Variants in SPON1 observed in about 807,000 individuals in gnomAD.
SPON1 encodes the protein spondin-1.
A neutral mutation model predicts 111.7 loss-of-function variants in SPON1; 52 were observed. The ratio of observed to expected loss-of-function variants is 0.47; its 90% CI spans 0.37 to 0.59. The LOEUF (loss-of-function observed/expected upper bound fraction) is 0.59. Among genes scored for constraint, SPON1 ranks in the 20% least tolerant of loss-of-function variants. The pLI, the probability that SPON1 is intolerant of heterozygous loss-of-function variation, is 0.00. For synonymous variants in SPON1, 410 were observed against 395.8 expected (o/e 1.04, Z -0.43); for missense variants, 957 against 1,068.5 (o/e 0.90, Z 1.46).
At chr11:14,038,637 T>A (rs1554916943) in intron 2 of SPON1, among the ~76,000 whole-genome samples, 1 of 152,088 alleles carries the variant, frequency 6.6e-6, no homozygotes, top group African/African-American at 2.4e-5. Context: ...TGTTACAAAT[T>A]AAAACAATAA....
intron 5 of SPON1, among the ~76,000 whole-genome samples, chr11:14,091,227 C>T (rs1307786694): frequency 6.6e-6 from 1 of 152,240 alleles, no homozygotes; most frequent in African/African-American, 2.4e-5. Flanking sequence ...TAAAGACTCT[C>T]CACGTCCCCA....
Position 13,999,697 on chromosome 11 carries a change from G to A in SPON1, c.345+16744G>A, listed in dbSNP as rs146334058. Reference sequence around the variant, plus strand: ...GCTGGGATTACAGGTGTGAGCCACCGCGCCTGGCCTGCTATATCACTTTCT... The same window carrying A: ...GCTGGGATTACAGGTGTGAGCCACCACGCCTGGCCTGCTATATCACTTTCT... On this transcript the variant is annotated intron_variant, in intron 2 of 15. Coordinates refer to ENST00000576479, the MANE Select transcript of SPON1 (RefSeq NM_006108.4). Among the ~76,000 whole-genome samples the A allele has an allele frequency of 5.3e-3, 807 of 152,224 alleles. 9 individuals are homozygous for A. Among genetic ancestry groups the A allele is most frequent in the African/African-American group, 0.018 (743 of 41,538 alleles).
chr11:14,134,038 C>CT (rs1450879877), intron 5 of SPON1, among the ~76,000 whole-genome samples: 10 of 125,942 alleles, frequency 7.9e-5, no homozygotes, highest in Non-Finnish European at 1.7e-4. Context: ...CACTTTCTTT[C>CT]TTTCTTTTTT....
At chr11:14,157,026 C>T (rs1227838929) in intron 6 of SPON1, among the ~76,000 whole-genome samples, 1 of 152,190 alleles carries the variant, frequency 6.6e-6, no homozygotes, top group Non-Finnish European at 1.5e-5. Context: ...TATCAATCCA[C>T]TACCATCTTA....
At chr11:14,229,854 A>G (rs1372640245) in intron 6 of SPON1, among the ~76,000 whole-genome samples, 12 of 152,084 alleles carry the variant, frequency 7.9e-5, no homozygotes, top group Admixed American at 7.9e-4. Context: ...AAATAACTAA[A>G]AGAGCGTTTT....
At chr11:14,043,074 GT>G (rs1554917474) in intron 3 of SPON1, among the ~76,000 whole-genome samples, 1 of 152,150 alleles carries the variant, frequency 6.6e-6, no homozygotes. Flanking sequence ...TATATAACAT[GT>G]CTATAGTATC....
intron 6 of SPON1, among the ~76,000 whole-genome samples, chr11:14,143,888 C>T (rs1847687701): frequency 6.6e-6 from 1 of 152,146 alleles, no homozygotes; most frequent in Admixed American, 6.5e-5. Context: ...TATGGAAAGG[C>T]AGAGGTCAGA....
intron 6 of SPON1, among the ~76,000 whole-genome samples, chr11:14,166,537 G>C (rs868941147): frequency 6.6e-6 from 1 of 152,080 alleles, no homozygotes; most frequent in African/African-American, 2.4e-5. Context: ...TCTGAGTCCT[G>C]CACTTAAGAG....
chr11:14,210,551 C>A (rs1848565375), intron 6 of SPON1, among the ~76,000 whole-genome samples: 1 of 151,936 alleles, frequency 6.6e-6, no homozygotes. Flanking sequence ...AGGCACAAGC[C>A]ACCATGCCTG....
rs537996416 is a variant in SPON1 at position 14,204,314 on chromosome 11, T to C, written c.826-39018T>C. Among the ~76,000 whole-genome samples, 10 of 152,298 alleles carry C rather than the reference T, an allele frequency of 6.6e-5. No homozygotes were observed. The East Asian group carries it at 1.9e-3, about 29-fold the overall frequency. ...GTAAGATTTTCTTCTTTTCTCTTTT[T>C]ATCTGTCTCTGAGGTTGGGTACAGT... is the stretch of plus-strand genomic sequence containing the variant. On this transcript the variant is annotated intron_variant, in intron 6 of 15. Coordinates refer to ENST00000576479, the MANE Select transcript of SPON1 (RefSeq NM_006108.4).
rs567309969 is a variant in SPON1, at chr11:14,114,568, C to A, written c.677-20852C>A. Reference sequence around the variant, plus strand: ...GCAGCCTCTCATTCTGATCTCCAGGCCTTTGCACAGGCTGTTTCCTGTGAT... The same window carrying A: ...GCAGCCTCTCATTCTGATCTCCAGGACTTTGCACAGGCTGTTTCCTGTGAT... On this transcript the variant is annotated intron_variant, in intron 5 of 15. Transcript: ENST00000576479. 9.8e-5 allele frequency among the ~76,000 whole-genome samples: 15 copies of A among 152,300 alleles called. No homozygotes were observed. In the South Asian group the frequency reaches 3.1e-3, roughly 32 times the overall value.
At chr11:14,091,902 G>A (rs577639569) in intron 5 of SPON1, among the ~76,000 whole-genome samples, 29 of 152,296 alleles carry the variant, frequency 1.9e-4, no homozygotes, top group Non-Finnish European at 3.2e-4. Context: ...AATCCCTCAC[G>A]GCTTCCTTTT....
chr11:14,079,709 A>G (rs1302720347), intron 4 of SPON1, among the ~76,000 whole-genome samples, 190 bp from the exon 5 acceptor site: 1 of 151,588 alleles, frequency 6.6e-6, no homozygotes, highest in African/African-American at 2.4e-5. Flanking sequence ...TTTTTTCAAA[A>G]TATTACCATA....
At chr11:14,219,959 C>T (rs1395931961) in intron 6 of SPON1, among the ~76,000 whole-genome samples, 6 of 151,888 alleles carry the variant, frequency 4.0e-5, no homozygotes, top group Non-Finnish European at 8.8e-5. Context: ...TGATGGTGTG[C>T]ATCTGAAGTC....
intron 6 of SPON1, among the ~76,000 whole-genome samples, chr11:14,193,780 C>A (rs985171470): frequency 8.5e-5 from 13 of 152,194 alleles, no homozygotes; most frequent in Non-Finnish European, 1.6e-4. Flanking sequence ...ACAGTCTATA[C>A]TCTCTCCTCT....
intron 6 of SPON1, among the ~76,000 whole-genome samples, chr11:14,175,042 G>C (rs370975744): frequency 8.4e-6 from 1 of 119,068 alleles, no homozygotes; most frequent in Non-Finnish European, 1.6e-5. Context: ...AACCATGGGT[G>C]GGGGGAGGGG....
At chr11:14,154,431 G>A (rs979633814) in intron 6 of SPON1, among the ~76,000 whole-genome samples, 11 of 152,220 alleles carry the variant, frequency 7.2e-5, no homozygotes, top group African/African-American at 2.7e-4. Context: ...CTGGAGCTGT[G>A]ACCTGAGACA....
chr11:14,079,196 A>T (rs1298391965), intron 4 of SPON1, among the ~76,000 whole-genome samples: 3 of 152,176 alleles, frequency 2.0e-5, no homozygotes, highest in Non-Finnish European at 4.4e-5. Context: ...CTCTTTCCCC[A>T]CTTATCAGCT....
At chr11:13,974,596 C>T (rs782612948) in intron 1 of SPON1, among the ~76,000 whole-genome samples, 15 of 152,108 alleles carry the variant, frequency 9.9e-5, no homozygotes, top group Non-Finnish European at 1.8e-4. Flanking sequence ...TGCCCTGGGT[C>T]GGGATTTGAG....
Sources: allele counts gnomAD v4.1 joint callset (sites outside exome capture counted in the v4.1 genomes callset), GRCh38; gene constraint gnomAD v4.1.1; transcripts MANE v1.5; gene names NCBI Gene and HGNC (gene_info 2026-07-23, HGNC 2026-07-21).